ADAMTSL1: variants seen among roughly 807,000 people sequenced by gnomAD.
The protein encoded by ADAMTSL1 is ADAMTS like 1, also known as ADAMTS-like protein 1.
A neutral mutation model predicts 201.8 loss-of-function variants in ADAMTSL1; 126 were observed. The ratio of observed to expected loss-of-function variants is 0.62; its 90% CI spans 0.54 to 0.72. The LOEUF is 0.72. ADAMTSL1 is among the 30% of genes least tolerant of loss of function. The pLI is 0.00. For synonymous variants in ADAMTSL1, 1,121 were observed against 903.4 expected, an observed-to-expected ratio of 1.24 and a Z score of -4.32; for missense variants, 2,679 against 2,277.8, an observed-to-expected ratio of 1.18 and a Z score of -3.59.
intron 23 of ADAMTSL1, among the ~76,000 whole-genome samples, chr9:18,863,051 C>A (rs1208911404): frequency 6.6e-6 from 1 of 152,166 alleles, no homozygotes; most frequent in Non-Finnish European, 1.5e-5. Context: ...CTGCTACCCC[C>A]TAGAGGTGGC....
At chr9:18,698,538 G>A (rs1470538831) in intron 13 of ADAMTSL1, among the ~76,000 whole-genome samples, 4 of 152,000 alleles carry the variant, frequency 2.6e-5, no homozygotes, top group East Asian at 1.9e-4. Context: ...TGCCAGCCTC[G>A]GCCTCCCAAA....
chr9:18,618,446 G>A (rs979781274), intron 4 of ADAMTSL1, among the ~76,000 whole-genome samples: 3 of 151,802 alleles, frequency 2.0e-5, no homozygotes, highest in East Asian at 1.9e-4. Flanking sequence ...ACAGGTTCTC[G>A]GGTAGCCCAG....
chr9:18,326,078 C>G lies in ADAMTSL1; in HGVS notation c.207+162097C>G, dbSNP rs182764091. Reference sequence around the variant, plus strand: ...TAATCCTAGTAGAGAGGAAGCAGCCCTCATGGCCTAATGACCTTGTAAAGG... The same window carrying G: ...TAATCCTAGTAGAGAGGAAGCAGCCGTCATGGCCTAATGACCTTGTAAAGG... On this transcript the variant is annotated intron_variant, in intron 2 of 29. Coordinates refer to the ADAMTSL1 transcript ENST00000680146. Among the ~76,000 whole-genome samples, 118 of 152,248 alleles carry G rather than the reference C, an allele frequency of 7.8e-4. 2 individuals carry two copies. In the East Asian group the frequency reaches 0.017, roughly 21 times the overall value.
rs556227788 is a variant in ADAMTSL1 at position 18,391,402 on chromosome 9, A to G, written c.208-113427A>G. 9.2e-5 allele frequency among the ~76,000 whole-genome samples: 14 copies of G among 152,312 alleles called. No homozygotes were observed. In the South Asian group the frequency reaches 2.7e-3, roughly 29 times the overall value. On this transcript the variant is annotated intron_variant, in intron 2 of 29. Transcript: ENST00000680146. ...TTATTCTATAATGGAAATGATTTAAAGTCATTGTACTAGACAGGATGTTAC... is the reference window on the plus strand; with the variant it reads ...TTATTCTATAATGGAAATGATTTAAGGTCATTGTACTAGACAGGATGTTAC...
At chr9:18,747,454 G>T (rs1039102821) in intron 15 of ADAMTSL1, among the ~76,000 whole-genome samples, 1 of 151,978 alleles carries the variant, frequency 6.6e-6, no homozygotes, top group Non-Finnish European at 1.5e-5. Flanking sequence ...CATTCTCGGT[G>T]CCTTTATGTC....
In ADAMTSL1 at chr9:18,898,160, G is replaced by C. The variant is rs567526500; in HGVS notation, c.4851+5564G>C. ...GCTGAGATCATGCCACTGCATTCCA[G>C]CCTGGGTGACAGAGCGAGACTCCGT... On this transcript the variant is annotated intron_variant, in intron 26 of 28. Coordinates refer to ENST00000380548, the MANE Select transcript of ADAMTSL1 (RefSeq NM_001040272.6). 3.3e-4 allele frequency among the ~76,000 whole-genome samples: 51 copies of C among 152,298 alleles called. 1 individual carries two copies. Among genetic ancestry groups the C allele is most frequent in the African/African-American group, 9.1e-4 (38 of 41,580 alleles).
chr9:18,692,188 C>T (rs1831267390), intron 13 of ADAMTSL1, among the ~76,000 whole-genome samples: 1 of 152,090 alleles, frequency 6.6e-6, no homozygotes, highest in African/African-American at 2.4e-5. Context: ...AGGGACAAAT[C>T]TTTATTTAAA....
intron 2 of ADAMTSL1, among the ~76,000 whole-genome samples, chr9:18,221,342 T>G (rs1258620868): frequency 6.6e-6 from 1 of 152,220 alleles, no homozygotes; most frequent in South Asian, 2.1e-4. Context: ...ATAATTTTCT[T>G]TAATTCTGAA....
At chr9:18,364,419 G>T (rs1486874525) in intron 2 of ADAMTSL1, among the ~76,000 whole-genome samples, 1 of 152,048 alleles carries the variant, frequency 6.6e-6, no homozygotes, top group Non-Finnish European at 1.5e-5. Context: ...AATGCCTCAG[G>T]GGTAGAAGCA....
chr9:18,379,162 G>T (rs1252309239), intron 2 of ADAMTSL1, among the ~76,000 whole-genome samples: 1 of 152,162 alleles, frequency 6.6e-6, no homozygotes, highest in East Asian at 1.9e-4. Context: ...CATCGTTTTG[G>T]ACAAAGCTTC....
At chr9:17,975,914 G>A (rs775066424) in intron 1 of ADAMTSL1, among the ~76,000 whole-genome samples, 6 of 151,914 alleles carry the variant, frequency 3.9e-5, no homozygotes, top group African/African-American at 7.3e-5. Flanking sequence ...TAAGATAAAG[G>A]TCTGATTTTA....
chr9:18,782,771 C>T (rs532831656), intron 19 of ADAMTSL1, among the ~76,000 whole-genome samples: 3 of 152,128 alleles, frequency 2.0e-5, no homozygotes, highest in African/African-American at 7.2e-5. Flanking sequence ...ATGACCAGTG[C>T]CCAGCACTGT....
At chr9:18,539,198 A>G (rs2132143784) in intron 3 of ADAMTSL1, among the ~76,000 whole-genome samples, 1 of 152,298 alleles carries the variant, frequency 6.6e-6, no homozygotes, top group Middle Eastern at 3.4e-3. Flanking sequence ...AATCAGTTTT[A>G]AAACAGCATT....
Position 18,179,840 on chromosome 9 carries a change from C to T in ADAMTSL1, c.207+15859C>T, listed in dbSNP as rs1828371683. On this transcript the variant is annotated intron_variant, in intron 2 of 29. Coordinates refer to the ADAMTSL1 transcript ENST00000680146. ...AAGCAAATGCTGAGAGATTTTGTCA[C>T]CACCAGGCCTGCCCTAAAAGAGCTC... Among the ~76,000 whole-genome samples, 3 of 152,080 alleles carry T rather than the reference C, an allele frequency of 2.0e-5. No homozygotes were observed. In the South Asian group the frequency reaches 6.2e-4, roughly 32 times the overall value.
intron 1 of ADAMTSL1, among the ~76,000 whole-genome samples, chr9:17,961,420 G>A (rs111842373): frequency 0.16 from 24,279 of 151,806 alleles, 2,508 homozygotes; most frequent in Middle Eastern, 0.24. Context: ...GGCTAATTTC[G>A]TATATTTTTT....
intron 2 of ADAMTSL1, among the ~76,000 whole-genome samples, chr9:18,338,338 T>C (rs372887629): frequency 1.9e-3 from 283 of 152,234 alleles, no homozygotes; most frequent in African/African-American, 6.3e-3. Flanking sequence ...CCTACCTCAG[T>C]GGGCTTCCTT....
chr9:18,319,597 A>G (rs1026705970), intron 2 of ADAMTSL1, among the ~76,000 whole-genome samples: 22 of 152,292 alleles, frequency 1.4e-4, no homozygotes, highest in East Asian at 3.9e-4. Context: ...ATAAAAAGCC[A>G]CCTCACTCCT....
intron 2 of ADAMTSL1, among the ~76,000 whole-genome samples, chr9:18,339,737 G>T (rs980379005): frequency 1.3e-5 from 2 of 152,018 alleles, no homozygotes; most frequent in Non-Finnish European, 2.9e-5. Flanking sequence ...ACTGCTTCAG[G>T]TCTGATTATC....
chr9:18,686,164 G>A (rs200642109), intron 13 of ADAMTSL1, among the ~76,000 whole-genome samples: 4 of 152,112 alleles, frequency 2.6e-5, no homozygotes, highest in African/African-American at 4.8e-5. Flanking sequence ...CAAGCAATCC[G>A]CCTGCCTCAG....
Sources: gnomAD v4.1 joint callset for allele counts (sites outside exome capture counted in the v4.1 genomes callset) on GRCh38, gnomAD v4.1.1 for gene constraint, MANE v1.5 for transcripts, NCBI Gene and HGNC (gene_info 2026-07-23, HGNC 2026-07-21) for gene names.